The following DHRS2 variants were observed in gnomAD, a reference collection of about 807,000 sequenced individuals.
DHRS2 encodes dehydrogenase/reductase 2.
A neutral mutation model predicts 26.3 loss-of-function variants in DHRS2; 29 were observed. The observed-to-expected ratio is 1.10, with a 90% CI of 0.82 to 1.50. DHRS2 has a LOEUF of 1.50. Among genes scored for constraint, DHRS2 ranks in the 40% most tolerant of loss-of-function variants. DHRS2 has a pLI of 0.00. For synonymous variants in DHRS2, 164 were observed against 151.3 expected (o/e 1.08, Z -0.62); for missense variants, 439 against 367.1 (o/e 1.20, Z -1.60).
At chr14:23,640,284 C>T (rs999849086) in intron 4 of DHRS2, 147 of 987,066 alleles carry the variant, frequency 1.5e-4, no homozygotes, top group South Asian at 5.2e-4. Flanking sequence ...GGGGAAGATA[C>T]GGATACTGTG....
At position 23,645,379 on chromosome 14, in the gene DHRS2, C is replaced by A. The variant is rs962915139; in HGVS notation, c.*126C>A. 1.5e-5 allele frequency: 23 copies of A among 1,578,030 alleles called. No individual in the cohort carries two copies. Among genetic ancestry groups the A allele is most frequent in the Admixed American group, 3.4e-5 (2 of 58,968 alleles). On this transcript the variant is annotated 3_prime_UTR_variant, in exon 9 of 9. Transcript: ENST00000250383. ...CAGACTAGCAATTTGGGGGCTTACT[C>A]ATGCTAGGCTTGAGGAAGAAGAAAA...
In DHRS2 at chr14:23,644,831, A is replaced by G. The variant is rs145966720; in HGVS notation, c.680A>G (p.His227Arg). The change falls in exon 8 of 9, where the codon CAT (histidine) becomes CGT (arginine). Residue 227 changes from histidine (H) to arginine (R), a missense_variant. By Grantham distance (29) the His-to-Arg change is conservative (BLOSUM62 0). Coordinates refer to ENST00000250383, the MANE Select transcript of DHRS2 (RefSeq NM_005794.4). ...TCATTTCTTCCCTTTGCCCAGTTTC[A>G]TGGGAATGAGTCTCTCTGGAAGAAC... ...IIKTDFSKVF[H>R]GNESLWKNFK... 6.9e-5 allele frequency: 112 copies of G among 1,614,150 alleles called. No homozygotes were observed. Among genetic ancestry groups the G allele is most frequent in the Non-Finnish European group, 8.8e-5 (104 of 1,180,006 alleles).
chr14:23,642,826 C>A, intron 4 of DHRS2: 1 of 231,404 alleles, frequency 4.3e-6, no homozygotes. Flanking sequence ...CCTTGGCCTC[C>A]TAAAGTGCTG....
Position 23,645,599 on chromosome 14 carries a change from A to C in DHRS2, c.*346A>C, listed in dbSNP as rs1296980885. On this transcript the variant is annotated 3_prime_UTR_variant, in exon 9 of 9. Transcript: ENST00000250383. Reference sequence around the variant, plus strand: ...TCCTCCTCTCTGTAATTTGTGCTTTAAGCATTTTTTTTCCTAAAATAAACT... The same window carrying C: ...TCCTCCTCTCTGTAATTTGTGCTTTCAGCATTTTTTTTCCTAAAATAAACT... The C allele has an allele frequency of 3.0e-6, 1 of 330,602 alleles. No homozygotes were observed. The highest frequency in any genetic ancestry group is 4.4e-5 in the Admixed American group (1 of 22,616). The allele number at this position is 330,602 out of a possible 1,614,324, so 20.5% of individuals were successfully genotyped here.
chr14:23,642,096 C>A, intron 4 of DHRS2: 2 of 1,059,724 alleles, frequency 1.9e-6, no homozygotes, highest in Non-Finnish European at 2.3e-6. Context: ...CAGATTCAGA[C>A]TTTAGTCACA....
intron 4 of DHRS2, 57 bp from the exon 5 acceptor site, chr14:23,643,095 C>G: frequency 6.4e-7 from 1 of 1,571,282 alleles, no homozygotes; most frequent in South Asian, 1.1e-5. Flanking sequence ...CTTATGAGAG[C>G]AGGACTTGGG....
intron 1 of DHRS2, among the ~76,000 whole-genome samples, chr14:23,637,168 C>T (rs1890348991): frequency 6.6e-6 from 1 of 152,170 alleles, no homozygotes; most frequent in Non-Finnish European, 1.5e-5. Context: ...GTCCTAATGC[C>T]TGCCAGACAA....
intron 4 of DHRS2, chr14:23,640,249 T>G: frequency 5.0e-6 from 5 of 995,536 alleles, no homozygotes; most frequent in Non-Finnish European, 6.0e-6. Flanking sequence ...GAGTCAAACA[T>G]TTTTGTATGG....
chr14:23,643,674 C>CT (rs1300163199), intron 5 of DHRS2: 6 of 280,440 alleles, frequency 2.1e-5, no homozygotes, highest in Non-Finnish European at 3.4e-5. Flanking sequence ...CTGTACCCCT[C>CT]ACAGACACAC....
intron 1 of DHRS2, among the ~76,000 whole-genome samples, chr14:23,637,371 A>G (rs573008406): frequency 5.4e-4 from 82 of 152,340 alleles, no homozygotes; most frequent in Non-Finnish European, 8.8e-4. Context: ...TGTAGGGGGA[A>G]CTATCTGGAA....
intron 4 of DHRS2, chr14:23,640,578 C>G (rs1358297004): frequency 9.6e-6 from 3 of 312,722 alleles, no homozygotes; most frequent in Non-Finnish European, 1.4e-5. Flanking sequence ...TTCTCTCTGC[C>G]AGAATGCGTC....
chr14:23,637,236 T>C (rs891995500), intron 1 of DHRS2, among the ~76,000 whole-genome samples: 2 of 152,198 alleles, frequency 1.3e-5, no homozygotes, highest in African/African-American at 4.8e-5. Flanking sequence ...CCACTCCCTG[T>C]CTCTGGTGCT....
At chr14:23,635,316 A>C (rs1890243191), upstream of DHRS2, among the ~76,000 whole-genome samples, 1 of 152,174 alleles carries the variant, frequency 6.6e-6, no homozygotes, top group Non-Finnish European at 1.5e-5. Context: ...GGCCTTCCAA[A>C]GTACTGGGAT....
chr14:23,639,718 C>G, intron 3 of DHRS2, 76 bp from the exon 4 acceptor site: 1 of 1,458,884 alleles, frequency 6.9e-7, no homozygotes, highest in Non-Finnish European at 9.1e-7. Context: ...GCCTGAAGGC[C>G]TTATGACCTG....
At position 23,636,389 on chromosome 14, in the gene DHRS2, C is replaced by A. The variant is rs190302034; in HGVS notation, c.-422C>A. ...AGCAACCTGCTCTGGTTCCCTTCCACGCTGTGGAAGCTTTGTTCTTTTGGT... is the reference window on the plus strand; with the variant it reads ...AGCAACCTGCTCTGGTTCCCTTCCAAGCTGTGGAAGCTTTGTTCTTTTGGT... On this transcript the variant is annotated 5_prime_UTR_variant, in exon 1 of 9. Coordinates refer to ENST00000250383, the MANE Select transcript of DHRS2 (RefSeq NM_005794.4). 2 of 152,126 alleles carry A rather than the reference C, an allele frequency of 1.3e-5. No homozygotes were observed. Among genetic ancestry groups the A allele is most frequent in the Non-Finnish European group, 2.9e-5 (2 of 68,030 alleles). 9.4% of individuals were successfully genotyped at this position (152,126 alleles called of 1,614,324 possible).
At chr14:23,634,590 T>A (rs546705741), upstream of DHRS2, among the ~76,000 whole-genome samples, 1 of 152,342 alleles carries the variant, frequency 6.6e-6, no homozygotes, top group African/African-American at 2.4e-5. Flanking sequence ...GTATATTTTT[T>A]AAGATTCCTT....
At chr14:23,641,461 T>TG (rs1890665425) in intron 4 of DHRS2, 1 of 454,316 alleles carries the variant, frequency 2.2e-6, no homozygotes, top group Admixed American at 3.9e-5. Flanking sequence ...TACTTTCTAA[T>TG]GGGGCAGTTT....
At chr14:23,638,366 C>A in intron 1 of DHRS2, 1 of 182,230 alleles carries the variant, frequency 5.5e-6, no homozygotes, top group Non-Finnish European at 1.1e-5. Flanking sequence ...TTGAAGTCAG[C>A]GAGACCAAGA....
In DHRS2 at chr14:23,639,346, TG is replaced by T; in HGVS notation, c.310del (p.Val104TrpfsTer24). On this transcript the variant is annotated frameshift_variant, in exon 3 of 9. Transcript: ENST00000250383. LOFTEE classifies it high-confidence loss of function. ...GGGAAGGCTGAGGACCGGGAGCAGC[TG>T]GTGGCCAAGGTGAGGGGGCAGGCGG... ...HVGKAEDREQ[L>X]VAKALEHCGG... 1 of 1,568,304 alleles carries T rather than the reference TG, an allele frequency of 6.4e-7. No homozygotes were observed.
Sources: allele counts gnomAD v4.1 joint callset (sites outside exome capture counted in the v4.1 genomes callset), GRCh38; gene constraint gnomAD v4.1.1; transcripts MANE v1.5; gene names NCBI Gene and HGNC (gene_info 2026-07-23, HGNC 2026-07-21).